Variants in RTL4 observed in about 807,000 individuals in gnomAD.
RTL4 encodes the protein retrotransposon Gag-like protein 4.
In RTL4, 4 loss-of-function variants were observed where a neutral mutation model predicts 5.3. That is an observed-to-expected ratio of 0.75 (90% CI 0.37 to 1.72). RTL4 has a LOEUF of 1.72. Among genes scored for constraint, RTL4 ranks in the 40% most tolerant of loss-of-function variants. The probability of loss-of-function intolerance (pLI) is 0.04; values close to 1 mark genes in which losing one functional copy is unlikely to be tolerated. For missense variants in RTL4, 260 were observed against 227.1 expected, an observed-to-expected ratio of 1.14 and a Z score of -0.93; for synonymous variants, 98 against 87.3, an observed-to-expected ratio of 1.12 and a Z score of -0.68.
At chrX:112,387,937 G>GT in the RTL4 span, among the ~76,000 whole-genome samples, 1,350 of 112,035 alleles carry the variant, frequency 0.012, 23 homozygotes, top group African/African-American at 0.042. Flanking sequence ...TTTAAAATAG[G>GT]TTTTTTCTAG....
chrX:112,241,710 T>C, the RTL4 span, among the ~76,000 whole-genome samples: 1 of 112,222 alleles, frequency 8.9e-6, no homozygotes, highest in African/African-American at 3.2e-5. Flanking sequence ...TTAGATCCCA[T>C]TTGTCAATTT....
At position 112,455,032 on chromosome X, in the gene RTL4, T is replaced by C; in HGVS notation, c.304T>C (p.Tyr102His). The C allele has an allele frequency of 1.7e-6, 2 of 1,211,791 alleles. No individual in the cohort carries two copies. The highest frequency in any genetic ancestry group is 2.3e-4 in the Middle Eastern group (1 of 4,356). Residue 102 changes from tyrosine to histidine, a missense_variant, in exon 1 of 1, where the codon TAC (tyrosine) becomes CAC (histidine). Tyr to His is a moderately conservative substitution (Grantham distance 83, BLOSUM62 2). Coordinates refer to ENST00000340433, the Ensembl canonical transcript of RTL4. The stretch of plus-strand genomic sequence containing the variant: ...TGCCCAGATCAAACTCTTTTTTGAT[T>C]ACCTATCTCAGCAGTTAGAAAGTTG...
chrX:112,196,076 T>C, the RTL4 span, among the ~76,000 whole-genome samples: 1 of 111,458 alleles, frequency 9.0e-6, no homozygotes, highest in Non-Finnish European at 1.9e-5. Flanking sequence ...ACAGTCAAGT[T>C]AAATAATGTT....
chrX:112,294,192 T>A, the RTL4 span, among the ~76,000 whole-genome samples: 2,382 of 111,942 alleles, frequency 0.021, 65 homozygotes, highest in African/African-American at 0.071. Flanking sequence ...AATTTTGTAC[T>A]AATTGCTGAG....
At chrX:112,195,895 T>C in the RTL4 span, among the ~76,000 whole-genome samples, 1 of 111,485 alleles carries the variant, frequency 9.0e-6, no homozygotes, top group East Asian at 2.8e-4. Context: ...ACGATTTTTT[T>C]TGAGTGGCCC....
the RTL4 span, among the ~76,000 whole-genome samples, chrX:112,355,473 A>G: frequency 9.0e-6 from 1 of 111,459 alleles, no homozygotes; most frequent in African/African-American, 3.3e-5. Context: ...TTGAGTTAGA[A>G]AAGGAGAGGA....
At chrX:112,370,929 C>T in the RTL4 span, among the ~76,000 whole-genome samples, 4 of 110,078 alleles carry the variant, frequency 3.6e-5, no homozygotes, top group African/African-American at 9.9e-5. Context: ...TGTCCTGCCT[C>T]CTAGATAGGA....
At chrX:112,304,943 A>G in the RTL4 span, among the ~76,000 whole-genome samples, 1 of 109,835 alleles carries the variant, frequency 9.1e-6, no homozygotes, top group African/African-American at 3.3e-5. Context: ...AAAGCATTTC[A>G]ATAACTTTTT....
chrX:112,416,396 A>AT, the RTL4 span, among the ~76,000 whole-genome samples: 2 of 112,266 alleles, frequency 1.8e-5, no homozygotes, highest in Non-Finnish European at 3.8e-5. Context: ...ATCATAGTGG[A>AT]TAAAAAGTTA....
At chrX:112,404,410 C>G in the RTL4 span, among the ~76,000 whole-genome samples, 9 of 111,398 alleles carry the variant, frequency 8.1e-5, no homozygotes, top group African/African-American at 2.9e-4. Context: ...AACCTCTACT[C>G]TAAGTTGAAT....
chrX:112,136,134 T>G, the RTL4 span, among the ~76,000 whole-genome samples: 1 of 111,240 alleles, frequency 9.0e-6, no homozygotes, highest in African/African-American at 3.3e-5. Context: ...TTGGATAGTT[T>G]GTTGTTAGTC....
chrX:112,456,863 T>C (rs1005990086), exon 1 of RTL4: 6 of 123,817 alleles, frequency 4.8e-5, no homozygotes, highest in African/African-American at 1.9e-4. Context: ...ACTCAGGAAG[T>C]CGGGATTTTA....
chrX:112,218,358 C>T, the RTL4 span, among the ~76,000 whole-genome samples: 1 of 111,961 alleles, frequency 8.9e-6, no homozygotes, highest in South Asian at 3.7e-4. Context: ...CTAATCATGA[C>T]ATGTGTTGTT....
chrX:112,195,739 A>G, the RTL4 span, among the ~76,000 whole-genome samples: 19 of 111,383 alleles, frequency 1.7e-4, no homozygotes, highest in Non-Finnish European at 2.4e-4. Flanking sequence ...GTATCTTTCA[A>G]TGTACAATAT....
the RTL4 span, among the ~76,000 whole-genome samples, chrX:112,331,831 A>C: frequency 1.1e-5 from 1 of 93,674 alleles, no homozygotes; most frequent in African/African-American, 4.1e-5. Context: ...TGCAGCCATA[A>C]AAAATGATGA....
At chrX:112,098,918 A>T in the RTL4 span, among the ~76,000 whole-genome samples, 1 of 112,317 alleles carries the variant, frequency 8.9e-6, no homozygotes, top group Admixed American at 9.4e-5. Context: ...TTAGACCTAA[A>T]ACCATAAAAA....
the RTL4 span, among the ~76,000 whole-genome samples, chrX:112,199,737 C>T: frequency 6.3e-5 from 7 of 111,375 alleles, no homozygotes; most frequent in Non-Finnish European, 1.1e-4. Context: ...AGAAGGGGCC[C>T]GCAAGCTCAT....
At chrX:112,236,407 A>ATAGATCTATATCTATATATAGATC in the RTL4 span, among the ~76,000 whole-genome samples, 3 of 62,475 alleles carry the variant, frequency 4.8e-5, no homozygotes, top group African/African-American at 2.1e-4. Context: ...TAATATAGAT[A>ATAGATCTATATCTATATATAGATC]TAGATCTATA....
the RTL4 span, among the ~76,000 whole-genome samples, chrX:112,128,144 C>T: frequency 1.5e-4 from 17 of 111,269 alleles, no homozygotes; most frequent in African/African-American, 5.2e-4. Context: ...GGTGGGAAGA[C>T]TCATATTTCC....
Sources: gnomAD v4.1 joint callset for allele counts (sites outside exome capture counted in the v4.1 genomes callset) on GRCh38, gnomAD v4.1.1 for gene constraint, MANE v1.5 for transcripts, NCBI Gene and HGNC (gene_info 2026-07-23, HGNC 2026-07-21) for gene names.